The following ANTXR2 variants were observed in gnomAD, a reference collection of about 807,000 sequenced individuals.
The protein encoded by ANTXR2 is ANTXR cell adhesion molecule 2, also known as anthrax toxin receptor 2.
Under a neutral mutation model 73.7 loss-of-function variants are expected in ANTXR2, and 44 were observed. That is an observed-to-expected ratio of 0.60 (90% CI 0.47 to 0.77). The LOEUF is 0.77. Ranked by LOEUF, ANTXR2 falls within the 30% of genes least tolerant of loss-of-function variation. The pLI is 0.00. For missense variants in ANTXR2, 604 were observed against 592.5 expected, an observed-to-expected ratio of 1.02 and a Z score of -0.20; for synonymous variants, 217 against 205.9, an observed-to-expected ratio of 1.05 and a Z score of -0.46.
chr4:80,031,822 T>C (rs923295732), intron 9 of ANTXR2, 130 bp from the exon 10 acceptor site: 8 of 453,130 alleles, frequency 1.8e-5, no homozygotes, highest in African/African-American at 1.7e-4. Flanking sequence ...ATAAAAAAAC[T>C]AAAGAAAGAG....
intron 12 of ANTXR2, among the ~76,000 whole-genome samples, chr4:79,998,845 T>A (rs1730866332): frequency 6.6e-6 from 1 of 151,998 alleles, no homozygotes; most frequent in African/African-American, 2.4e-5. Flanking sequence ...ACACAATCTA[T>A]CATTCACTAA....
At position 79,974,016 on chromosome 4, in the gene ANTXR2, T is replaced by G. The variant is rs148711789; in HGVS notation, c.1428+3605A>C. ...TTGGTTGGATGGGTGAATAGATAGA[T>G]ATACATTATACCTTAAATTCAGCAA... On this transcript the variant is annotated intron_variant, in intron 16 of 16. Transcript: ENST00000403729. Among the ~76,000 whole-genome samples the G allele has an allele frequency of 1.2e-3, 177 of 152,338 alleles. 3 individuals carry two copies. The East Asian group carries it at 0.033, about 28-fold the overall frequency.
intron 11 of ANTXR2, among the ~76,000 whole-genome samples, chr4:80,018,493 C>T (rs1428623254): frequency 3.3e-5 from 5 of 152,152 alleles, no homozygotes; most frequent in East Asian, 1.9e-4. Context: ...AAAAGTCACA[C>T]ATTAAAATGC....
chr4:79,977,878 T>C, intron 15 of ANTXR2, 129 bp downstream of exon 15: 2 of 1,247,028 alleles, frequency 1.6e-6, no homozygotes, highest in Non-Finnish European at 2.2e-6. Context: ...TATTCAGCTG[T>C]TAAGAGTGTA....
At chr4:79,926,903 A>T (rs915340618) in intron 16 of ANTXR2, among the ~76,000 whole-genome samples, 1 of 129,572 alleles carries the variant, frequency 7.7e-6, no homozygotes, top group South Asian at 2.4e-4. Context: ...GTATATACAC[A>T]TGTGTGCATA....
chr4:79,957,219 T>A (rs1376650853), intron 16 of ANTXR2, among the ~76,000 whole-genome samples: 1 of 152,146 alleles, frequency 6.6e-6, no homozygotes, highest in South Asian at 2.1e-4. Context: ...TTCTTTTGCA[T>A]CATGTTATTG....
At chr4:80,001,170 T>A (rs200421028) in intron 12 of ANTXR2, among the ~76,000 whole-genome samples, 3 of 46,124 alleles carry the variant, frequency 6.5e-5, no homozygotes, top group Admixed American at 8.5e-4. Flanking sequence ...CCATTGCAAA[T>A]TTTTTTTTAT....
At chr4:80,069,231 C>A (rs978316723) in intron 3 of ANTXR2, among the ~76,000 whole-genome samples, 1 of 152,156 alleles carries the variant, frequency 6.6e-6, no homozygotes, top group East Asian at 1.9e-4. Context: ...ACTGCACATT[C>A]CACAGCCACT....
At position 80,008,592 on chromosome 4, in the gene ANTXR2, CAAT is replaced by C. The variant is rs1420460321; in HGVS notation, c.967_969del (p.Ile323del). On this transcript the variant is annotated inframe_deletion, in exon 12 of 17. Coordinates refer to ENST00000403729, the MANE Select transcript of ANTXR2 (RefSeq NM_058172.6). ...AGGAGTAGCAGTAACACCAAAATAA[CAAT>C]GATGGCTGCGATCCCGTTAGACTAA... 4 of 1,604,540 alleles carry C rather than the reference CAAT, an allele frequency of 2.5e-6. No individual in the cohort carries two copies. Among genetic ancestry groups the C allele is most frequent in the African/African-American group, 2.7e-5 (2 of 74,388 alleles).
chr4:79,978,768 G>GT (rs1348495911), intron 14 of ANTXR2, among the ~76,000 whole-genome samples: 1 of 152,186 alleles, frequency 6.6e-6, no homozygotes, highest in Non-Finnish European at 1.5e-5. Flanking sequence ...GGGTTAATAA[G>GT]TTTCCAATTG....
intron 12 of ANTXR2, among the ~76,000 whole-genome samples, chr4:80,007,101 G>T (rs1731338978): frequency 6.6e-6 from 1 of 151,960 alleles, no homozygotes. Context: ...TTAATTCTAT[G>T]CCTCCTCCAT....
chr4:80,001,301 T>A (rs1404355102), intron 12 of ANTXR2, among the ~76,000 whole-genome samples: 10 of 146,520 alleles, frequency 6.8e-5, no homozygotes, highest in Non-Finnish European at 1.2e-4. Flanking sequence ...TATCTCCCGA[T>A]GCTATCCCTC....
At chr4:80,028,331 G>A (rs1171141078) in intron 10 of ANTXR2, among the ~76,000 whole-genome samples, 6 of 152,060 alleles carry the variant, frequency 3.9e-5, no homozygotes, top group Non-Finnish European at 8.8e-5. Context: ...GACGACCTAT[G>A]TCCTAGCTAC....
chr4:79,965,306 G>C (rs1018576848), intron 16 of ANTXR2, among the ~76,000 whole-genome samples: 1 of 152,182 alleles, frequency 6.6e-6, no homozygotes, highest in African/African-American at 2.4e-5. Flanking sequence ...GGCAGAGGTC[G>C]TGTTATTTAG....
intron 10 of ANTXR2, 125 bp downstream of exon 10, chr4:80,031,498 A>T: frequency 1.4e-6 from 1 of 721,592 alleles, no homozygotes; most frequent in Non-Finnish European, 2.1e-6. Flanking sequence ...GGCTTGCCCA[A>T]GGCTTACTTT....
intron 16 of ANTXR2, among the ~76,000 whole-genome samples, chr4:79,927,643 A>G (rs1429791421): frequency 6.6e-6 from 1 of 152,206 alleles, no homozygotes; most frequent in Non-Finnish European, 1.5e-5. Context: ...TGAATCTGAG[A>G]ATGTGGAACC....
chr4:79,987,241 T>C (rs1237250205), intron 12 of ANTXR2, among the ~76,000 whole-genome samples: 1 of 128,106 alleles, frequency 7.8e-6, no homozygotes, highest in South Asian at 2.4e-4. Context: ...AATAAAACGA[T>C]AGAAGAGCTG....
chr4:80,002,734 T>C (rs1391267410), intron 12 of ANTXR2, among the ~76,000 whole-genome samples: 1 of 151,584 alleles, frequency 6.6e-6, no homozygotes, highest in Non-Finnish European at 1.5e-5. Flanking sequence ...AACAACCCTA[T>C]CAAAAAGTGG....
At chr4:80,013,521 A>G (rs1731697684) in intron 11 of ANTXR2, among the ~76,000 whole-genome samples, 1 of 152,230 alleles carries the variant, frequency 6.6e-6, no homozygotes, top group Non-Finnish European at 1.5e-5. Flanking sequence ...GACTACAATA[A>G]TAGTGTTCTA....
Sources: gnomAD v4.1 joint callset for allele counts (sites outside exome capture counted in the v4.1 genomes callset) on GRCh38, gnomAD v4.1.1 for gene constraint, MANE v1.5 for transcripts, NCBI Gene and HGNC (gene_info 2026-07-23, HGNC 2026-07-21) for gene names.